The following USO1 variants were observed in gnomAD, a reference collection of about 807,000 sequenced individuals.
USO1 encodes general vesicular transport factor p115.
In USO1, 57 loss-of-function variants were observed where a neutral mutation model predicts 124.5. That is an observed-to-expected ratio of 0.46 (90% CI 0.37 to 0.57). The LOEUF (loss-of-function observed/expected upper bound fraction) is 0.57, where lower values mean the gene tolerates loss of function less well. USO1 is among the 20% of genes least tolerant of loss of function. The pLI is 0.00. For synonymous variants in USO1, 369 were observed against 362.8 expected, an observed-to-expected ratio of 1.02 and a Z score of -0.19; for missense variants, 900 against 1,040.6, an observed-to-expected ratio of 0.86 and a Z score of 1.86.
chr4:75,757,629 G>A, intron 4 of USO1, 56 bp downstream of exon 4: 1 of 1,320,620 alleles, frequency 7.6e-7, no homozygotes, highest in Non-Finnish European at 9.7e-7. Flanking sequence ...ACTGGGTTGT[G>A]CTAATTTTGC....
At chr4:75,728,884 C>T (rs1720543577) in intron 1 of USO1, among the ~76,000 whole-genome samples, 1 of 151,880 alleles carries the variant, frequency 6.6e-6, no homozygotes, top group African/African-American at 2.4e-5. Context: ...CTGCAAGCTC[C>T]CCCTCCCGGG....
chr4:75,730,389 A>G (rs953272362), intron 1 of USO1, among the ~76,000 whole-genome samples: 1 of 152,194 alleles, frequency 6.6e-6, no homozygotes, highest in Admixed American at 6.5e-5. Context: ...ACTGTGTTAT[A>G]GTTTCAGATA....
chr4:75,775,027 C>T (rs1484733440), intron 8 of USO1, among the ~76,000 whole-genome samples: 1 of 152,168 alleles, frequency 6.6e-6, no homozygotes, highest in Admixed American at 6.5e-5. Context: ...TATATCTCTT[C>T]AAATACTGTA....
At chr4:75,730,013 A>G (rs1328214379) in intron 1 of USO1, 1 of 325,854 alleles carries the variant, frequency 3.1e-6, no homozygotes, top group Non-Finnish European at 6.1e-6. Context: ...GATGTATTCT[A>G]CATTAATAAC....
At chr4:75,795,408 T>G in intron 13 of USO1, 1 of 700,534 alleles carries the variant, frequency 1.4e-6, no homozygotes, top group Non-Finnish European at 2.6e-6. Context: ...GCAAAGCTTT[T>G]TCTCTGTCTT....
intron 4 of USO1, chr4:75,770,016 G>C (rs1721876445): frequency 6.6e-6 from 1 of 152,364 alleles, no homozygotes; most frequent in African/African-American, 2.4e-5. Flanking sequence ...TGGGGACAAG[G>C]GTTTTAAGAT....
In USO1 at chr4:75,724,902, G is replaced by A; in HGVS notation, c.66+17G>A. On this transcript the variant is annotated intron_variant, in intron 1 of 23. Transcript: ENST00000514213. Reference sequence around the variant, plus strand: ...GCCGAGACGGTGAGAGGAGCAGCGGGTCTGGGACTTGGGAAGGGGTCCGGG... The same window carrying A: ...GCCGAGACGGTGAGAGGAGCAGCGGATCTGGGACTTGGGAAGGGGTCCGGG... 6.2e-7 allele frequency: 1 copy of A among 1,612,588 alleles called. No individual in the cohort carries two copies. The highest frequency in any genetic ancestry group is 8.5e-7 in the Non-Finnish European group (1 of 1,179,198).
In USO1 at chr4:75,774,659, CTCTT is replaced by C; in HGVS notation, c.556-12_556-9del. 1 of 272,546 alleles carries C rather than the reference CTCTT, an allele frequency of 3.7e-6. No individual in the cohort carries two copies. The highest frequency in any genetic ancestry group is 1.3e-4 in the Admixed American group (1 of 7,508). 16.9% of individuals were successfully genotyped at this position (272,546 alleles called of 1,614,324 possible). ...TAAATTTTGTACTCCACTAAACATT[CTCTT>C]TCTTCTCTATAGGGCGTCTTACTAC... On this transcript the variant is annotated splice_polypyrimidine_tract_variant and intron_variant, in intron 7 of 23. Coordinates refer to ENST00000514213, the MANE Select transcript of USO1 (RefSeq NM_003715.4).
chr4:75,800,880 G>T (rs1722828145), intron 16 of USO1, 81 bp downstream of exon 16: 2 of 1,512,722 alleles, frequency 1.3e-6, no homozygotes, highest in East Asian at 4.9e-5. Flanking sequence ...ATGCATACAG[G>T]TTATATGGTA....
chr4:75,741,719 C>T (rs1394574509), intron 1 of USO1, among the ~76,000 whole-genome samples: 1 of 150,998 alleles, frequency 6.6e-6, no homozygotes, highest in African/African-American at 2.4e-5. Context: ...ATTCTCCCGC[C>T]TCAGCCTCTC....
intron 13 of USO1, among the ~76,000 whole-genome samples, chr4:75,797,472 C>CTA (rs1722718726): frequency 2.1e-5 from 1 of 48,452 alleles, no homozygotes; most frequent in African/African-American, 5.7e-5. Context: ...ATCCATTATT[C>CTA]TCTCTTTTTT....
At chr4:75,737,024 G>A (rs1560434363) in intron 1 of USO1, among the ~76,000 whole-genome samples, 1 of 152,120 alleles carries the variant, frequency 6.6e-6, no homozygotes, top group Non-Finnish European at 1.5e-5. Flanking sequence ...GATGTTACTC[G>A]AGCCTGCATA....
At position 75,768,058 on chromosome 4, in the gene USO1, C is replaced by G. The variant is rs539756358; in HGVS notation, c.296-2381C>G. Reference sequence around the variant, plus strand: ...TTGGGACAGGGTCTTACTTTGTCACCCAGGCTAGAGTTCAGTGGTACAATC... The same window carrying G: ...TTGGGACAGGGTCTTACTTTGTCACGCAGGCTAGAGTTCAGTGGTACAATC... On this transcript the variant is annotated intron_variant, in intron 4 of 23. Transcript: ENST00000514213. Among the ~76,000 whole-genome samples the G allele has an allele frequency of 1.7e-4, 26 of 151,918 alleles. 1 individual carries two copies. The South Asian group carries it at 5.4e-3, about 32-fold the overall frequency.
intron 4 of USO1, among the ~76,000 whole-genome samples, chr4:75,763,070 T>C (rs573541154): frequency 2.6e-5 from 4 of 152,260 alleles, no homozygotes; most frequent in Non-Finnish European, 5.9e-5. Flanking sequence ...TTCTTCATAA[T>C]ATAGATTGTG....
Position 75,765,637 on chromosome 4 carries a change from C to CTT in USO1, c.296-4789_296-4788dup, listed in dbSNP as rs11385399. Among the ~76,000 whole-genome samples the CTT allele has an allele frequency of 1.0e-2, 1,442 of 144,836 alleles. 20 individuals are homozygous for CTT. The highest frequency in any genetic ancestry group is 0.023 in the African/African-American group (895 of 39,520). On this transcript the variant is annotated intron_variant, in intron 4 of 23. Coordinates refer to ENST00000514213, the MANE Select transcript of USO1 (RefSeq NM_003715.4). ...TCTTGCTATGTGCCTGGTACCAGTT[C>CTT]TTTTTTTTTTTTTTCCAACTCCATT...
Position 75,764,831 on chromosome 4 carries a change from T to C in USO1, c.296-5608T>C, listed in dbSNP as rs574782477. Among the ~76,000 whole-genome samples the C allele has an allele frequency of 3.2e-4, 48 of 152,284 alleles. No homozygotes were observed. The South Asian group carries it at 3.7e-3, about 12-fold the overall frequency. On this transcript the variant is annotated intron_variant, in intron 4 of 23. Coordinates refer to ENST00000514213, the MANE Select transcript of USO1 (RefSeq NM_003715.4). Reference sequence around the variant, plus strand: ...TGGGAGCTTGTGTCAACGTTTGTATTTTAGACTTCTTTTTGAAAAAACCTG... The same window carrying C: ...TGGGAGCTTGTGTCAACGTTTGTATCTTAGACTTCTTTTTGAAAAAACCTG...
chr4:75,744,751 A>G (rs1020428534), intron 1 of USO1: 13 of 246,816 alleles, frequency 5.3e-5, no homozygotes, highest in Non-Finnish European at 9.7e-5. Context: ...TATAAAAGTA[A>G]TATCTGAATA....
At chr4:75,770,200 G>A in intron 4 of USO1, 1 of 268,184 alleles carries the variant, frequency 3.7e-6, no homozygotes, top group Non-Finnish European at 6.9e-6. Flanking sequence ...GAGTATTTAA[G>A]TATCCTTTTT....
chr4:75,727,301 AC>A (rs1720492185), intron 1 of USO1, among the ~76,000 whole-genome samples: 1 of 152,240 alleles, frequency 6.6e-6, no homozygotes, highest in South Asian at 2.1e-4. Context: ...TTTTTATATC[AC>A]AATTTCAAAG....
Sources: allele counts gnomAD v4.1 joint callset (sites outside exome capture counted in the v4.1 genomes callset), GRCh38; gene constraint gnomAD v4.1.1; transcripts MANE v1.5; gene names NCBI Gene and HGNC (gene_info 2026-07-23, HGNC 2026-07-21).